Variants in PPFIA4 observed in about 807,000 individuals in gnomAD.
The protein encoded by PPFIA4 is liprin-alpha-4.
A neutral mutation model predicts 145.7 loss-of-function variants in PPFIA4; 98 were observed. The ratio of observed to expected loss-of-function variants is 0.67; its 90% CI spans 0.57 to 0.80. PPFIA4 has a LOEUF of 0.80. Ranked by LOEUF, PPFIA4 falls within the 30% of genes least tolerant of loss-of-function variation. PPFIA4 has a pLI of 0.00. For missense variants in PPFIA4, 1,457 were observed against 1,632.7 expected, an observed-to-expected ratio of 0.89 and a Z score of 1.85; for synonymous variants, 628 against 649.6, an observed-to-expected ratio of 0.97 and a Z score of 0.51.
At chr1:203,045,166 A>G (rs930876092) in intron 6 of PPFIA4, among the ~76,000 whole-genome samples, 2 of 152,154 alleles carry the variant, frequency 1.3e-5, no homozygotes, top group Non-Finnish European at 2.9e-5. Flanking sequence ...GAGACAAAGG[A>G]TAGCAAGGTG....
At chr1:203,059,743 TGA>T in intron 20 of PPFIA4, 25 bp from the exon 21 acceptor site, 1 of 1,584,558 alleles carries the variant, frequency 6.3e-7, no homozygotes, top group Non-Finnish European at 8.7e-7. Context: ...GAAGAACTAG[TGA>T]GTCTGTTGTT....
In PPFIA4 at chr1:203,044,395, G is replaced by A. The variant is rs575983208; in HGVS notation, c.518G>A (p.Arg173Gln). The A allele has an allele frequency of 3.2e-6, 5 of 1,552,150 alleles. No individual in the cohort carries two copies. In the African/African-American group the frequency reaches 4.1e-5, roughly 13 times the overall value. The change falls in exon 5 of 30, where the codon CGG becomes CAG. Residue 173 changes from arginine (R) to glutamine (Q), a missense_variant. By Grantham distance (43) the Arg-to-Gln change is conservative. This residue lies in a region of PPFIA4 where 463 missense variants were observed against 459.8 expected (regional missense o/e 1.01). Transcript: ENST00000295706. ...ALDEKVRERL[R>Q]AALERVTTLE... Reference sequence around the variant, plus strand: ...CTCGAGCAGGTGCGAGAGCGGCTCCGGGCAGCGCTGGAGCGAGTCACCACC... The same window carrying A: ...CTCGAGCAGGTGCGAGAGCGGCTCCAGGCAGCGCTGGAGCGAGTCACCACC...
intron 1 of PPFIA4, among the ~76,000 whole-genome samples, chr1:203,027,813 C>T (rs1484838979): frequency 6.6e-6 from 1 of 152,180 alleles, no homozygotes; most frequent in Non-Finnish European, 1.5e-5. Context: ...TGTTAACACC[C>T]TTCTCACCGC....
At chr1:203,029,354 G>C (rs543046625) in intron 1 of PPFIA4, among the ~76,000 whole-genome samples, 1 of 152,222 alleles carries the variant, frequency 6.6e-6, no homozygotes, top group African/African-American at 2.4e-5. Flanking sequence ...GGGATGCTTC[G>C]TTCTGAGAGA....
chr1:203,048,450 G>T lies in PPFIA4; in HGVS notation c.1225-133G>T. On this transcript the variant is annotated intron_variant, in intron 10 of 29. Coordinates refer to ENST00000295706, the MANE Select transcript of PPFIA4 (RefSeq NM_001304331.2). This position sits in a 1 kb window ranked among gnomAD's most constrained non-coding sequence, Gnocchi z 5.8. ...GTGGGAGGAGGCTGGCAGGTGAAGG[G>T]GGAGGTGGTCAGGAGACTGGAGAGA... is the stretch of plus-strand genomic sequence containing the variant. The T allele has an allele frequency of 6.8e-7, 1 of 1,468,886 alleles. No homozygotes were observed. Among genetic ancestry groups the T allele is most frequent in the East Asian group, 2.5e-5 (1 of 40,514 alleles). 91.0% of individuals were successfully genotyped at this position (1,468,886 alleles called of 1,614,324 possible). A position where few individuals can be genotyped will look rare whatever the true frequency, so the allele number is the denominator to read the frequency against.
intron 19 of PPFIA4, 60 bp downstream of exon 19, chr1:203,057,010 G>A: frequency 6.2e-7 from 1 of 1,600,528 alleles, no homozygotes; most frequent in Non-Finnish European, 8.5e-7. Flanking sequence ...AAGCAGGAAG[G>A]TGTACTTGGA....
Position 203,026,565 on chromosome 1 carries a change from C to G in PPFIA4, c.-464C>G, listed in dbSNP as rs1159360979. ...CGGCTCTAGGACGTGTCGGGCTGCA[C>G]GGGTCGGGGGCGGCTCCCTGCTGCT... is the stretch of plus-strand genomic sequence containing the variant. On this transcript the variant is annotated 5_prime_UTR_variant, in exon 1 of 30. Transcript: ENST00000295706. The G allele has an allele frequency of 6.6e-6, 1 of 152,260 alleles. No homozygotes were observed. Among genetic ancestry groups the G allele is most frequent in the Non-Finnish European group, 1.5e-5 (1 of 68,086 alleles). The allele number at this position is 152,260 out of a possible 1,614,324, so 9.4% of individuals were successfully genotyped here.
At chr1:203,057,045 G>C (rs560961699) in intron 19 of PPFIA4, 95 bp downstream of exon 19, 9 of 1,560,310 alleles carry the variant, frequency 5.8e-6, no homozygotes, top group Non-Finnish European at 7.8e-6. Context: ...CTGCGTCCCA[G>C]GGACCAGTTG....
chr1:203,051,118 T>C (rs2102648809), intron 13 of PPFIA4: 2 of 985,234 alleles, frequency 2.0e-6, no homozygotes, highest in East Asian at 2.3e-4. Context: ...GGCTTCCAGA[T>C]ATTCCAGGGG....
chr1:203,039,498 G>A (rs896849240), intron 2 of PPFIA4, among the ~76,000 whole-genome samples: 3 of 152,144 alleles, frequency 2.0e-5, no homozygotes, highest in African/African-American at 7.2e-5. Flanking sequence ...GAGCTCAGGC[G>A]GCCAGTAGGT....
At chr1:203,049,355 G>A (rs1660325680) in intron 12 of PPFIA4, among the ~76,000 whole-genome samples, 1 of 152,178 alleles carries the variant, frequency 6.6e-6, no homozygotes, top group South Asian at 2.1e-4. Context: ...GGGTGCTGGG[G>A]CCCTCTGCTG....
At chr1:203,042,589 T>A (rs1659774202) in intron 2 of PPFIA4, among the ~76,000 whole-genome samples, 1 of 152,234 alleles carries the variant, frequency 6.6e-6, no homozygotes, top group Non-Finnish European at 1.5e-5. Context: ...GGGGCACTCA[T>A]GCAGGCATTA....
chr1:203,060,107 T>C lies in PPFIA4; in HGVS notation c.2584-110T>C. On this transcript the variant is annotated intron_variant, in intron 21 of 29. Transcript: ENST00000295706. The surrounding 1 kb of genome is among the most constrained non-coding windows in gnomAD (Gnocchi z 4.8). ...GACCGCCACATTCCTATGATCTGTA[T>C]TTGCTATTCGAGTCCGTGGATGAGG... is the stretch of plus-strand genomic sequence containing the variant. The C allele has an allele frequency of 9.7e-7, 1 of 1,027,066 alleles. No individual in the cohort carries two copies. Among genetic ancestry groups the C allele is most frequent in the Non-Finnish European group, 1.5e-6 (1 of 688,266 alleles). 63.6% of individuals were successfully genotyped at this position (1,027,066 alleles called of 1,614,324 possible). A position where few individuals can be genotyped will look rare whatever the true frequency, so the allele number is the denominator to read the frequency against.
At chr1:203,046,661 C>CTT (rs34854303) in intron 9 of PPFIA4, among the ~76,000 whole-genome samples, 2,606 of 144,528 alleles carry the variant, frequency 0.018, 33 homozygotes, top group Middle Eastern at 0.05. Context: ...TTTTCTTTTT[C>CTT]TTTTTTTTTT....
Position 203,060,321 on chromosome 1 carries a change from C to T in PPFIA4, c.2688C>T (p.Ile896=), listed in dbSNP as rs762182819. 12 of 1,614,080 alleles carry T rather than the reference C, an allele frequency of 7.4e-6. No homozygotes were observed. The highest frequency in any genetic ancestry group is 1.6e-4 in the Middle Eastern group (1 of 6,062). Residue 896 remains isoleucine (I), a synonymous_variant, in exon 22 of 30, where the codon ATC becomes ATT. Coordinates refer to ENST00000295706, the MANE Select transcript of PPFIA4 (RefSeq NM_001304331.2). This position sits in a 1 kb window ranked among gnomAD's most constrained non-coding sequence, Gnocchi z 4.8. ...ALSDTEIQRE[I]GISNALHRLK... is the part of the protein sequence containing the mutation. ...CGGACACAGAGATCCAGCGGGAGAT[C>T]GGCATCAGCAATGCCCTGCACCGGC...
In PPFIA4 at chr1:203,032,426, C is replaced by CTTTTTTTTTT. The variant is rs67178955; in HGVS notation, c.-400+5803_-400+5804insTTTTTTTTTT. On this transcript the variant is annotated intron_variant, in intron 1 of 29. Transcript: ENST00000295706. ...GAGGCTTGTAGTTCTCCCTTCCCCGCTTTTTTGTTGTTGTTGTTGTTTTTG... is the reference window on the plus strand; with the variant it reads ...GAGGCTTGTAGTTCTCCCTTCCCCGCTTTTTTTTTTTTTTTTGTTGTTGTTGTTGTTTTTG... Among the ~76,000 whole-genome samples, 28 of 59,476 alleles carry CTTTTTTTTTT rather than the reference C, an allele frequency of 4.7e-4. 1 individual carries two copies. The highest frequency in any genetic ancestry group is 9.6e-3 in the Middle Eastern group (1 of 104). The allele number at this position is 59,476 out of a possible 152,430, so 39.0% of individuals were successfully genotyped here.
Position 203,051,761 on chromosome 1 carries a change from C to T in PPFIA4, c.1512-8C>T, listed in dbSNP as rs371144891. 54 of 1,607,422 alleles carry T rather than the reference C, an allele frequency of 3.4e-5. No individual in the cohort carries two copies. The highest frequency in any genetic ancestry group is 4.5e-5 in the South Asian group (4 of 89,592). ...GCCTGTCTTTTCTCTCCCCCATCAC[C>T]GCTCAAGGTCGCACATGGGCAGTGC... On this transcript the variant is annotated splice_region_variant and splice_polypyrimidine_tract_variant and intron_variant, in intron 13 of 29. Transcript: ENST00000295706.
intron 25 of PPFIA4, among the ~76,000 whole-genome samples, chr1:203,067,096 G>A (rs1190369811): frequency 6.6e-6 from 1 of 152,208 alleles, no homozygotes. Flanking sequence ...GGCAAAAGGA[G>A]TAAGCTACAC....
intron 28 of PPFIA4, 108 bp downstream of exon 28, chr1:203,071,868 T>C: frequency 1.0e-6 from 1 of 976,480 alleles, no homozygotes; most frequent in South Asian, 1.4e-5. Flanking sequence ...GGCTAGTCTA[T>C]GGGAGGAGAG....
Sources: gnomAD v4.1 joint callset for allele counts (sites outside exome capture counted in the v4.1 genomes callset) on GRCh38, gnomAD v4.1.1 for gene constraint, gnomAD v4.1.1 regional missense constraint, Gnocchi (gnomAD v3.1) non-coding constraint, MANE v1.5 for transcripts, NCBI Gene and HGNC (gene_info 2026-07-23, HGNC 2026-07-21) for gene names.